The following RUFY3 variants were observed in gnomAD, a reference collection of about 807,000 sequenced individuals.
RUFY3 encodes protein RUFY3.
In RUFY3, 34 loss-of-function variants were observed where a neutral mutation model predicts 84.0. That is an observed-to-expected ratio of 0.40 (90% CI 0.31 to 0.54). RUFY3 has a LOEUF of 0.54. Among genes scored for constraint, RUFY3 ranks in the 20% least tolerant of loss-of-function variants. RUFY3 has a pLI of 0.39. For synonymous variants in RUFY3, 242 were observed against 252.9 expected, an observed-to-expected ratio of 0.96 and a Z score of 0.41; for missense variants, 507 against 736.8, an observed-to-expected ratio of 0.69 and a Z score of 3.61.
At chr4:70,771,617 T>C (rs1313618128) in intron 5 of RUFY3, among the ~76,000 whole-genome samples, 1 of 152,224 alleles carries the variant, frequency 6.6e-6, no homozygotes, top group Non-Finnish European at 1.5e-5. Flanking sequence ...GTGCAACCTC[T>C]GCCTCCCAGG....
At chr4:70,720,546 A>AT (rs59515506), upstream of RUFY3, among the ~76,000 whole-genome samples, 136,597 of 152,160 alleles carry the variant, frequency 0.9, 62,253 homozygotes, top group East Asian at 1. Context: ...GATTATTAGC[A>AT]TTTTTTTCTT....
chr4:70,804,643 C>T (rs1010772055), intron 17 of RUFY3, among the ~76,000 whole-genome samples: 8 of 151,620 alleles, frequency 5.3e-5, no homozygotes, highest in East Asian at 3.9e-4. Context: ...AATAGCCAGG[C>T]GCGGTGACTC....
intron 1 of RUFY3, among the ~76,000 whole-genome samples, chr4:70,739,189 A>G (rs1296473879): frequency 1.3e-5 from 2 of 152,134 alleles, no homozygotes; most frequent in South Asian, 2.1e-4. Context: ...ATATATGACA[A>G]TTGCTTTGTT....
chr4:70,763,047 CTCTTGGG>C (rs1224693494), intron 2 of RUFY3, among the ~76,000 whole-genome samples: 2 of 152,180 alleles, frequency 1.3e-5, no homozygotes, highest in African/African-American at 4.8e-5. Flanking sequence ...GGTCTCCCGA[CTCTTGGG>C]TCAGTGTTCT....
intron 1 of RUFY3, among the ~76,000 whole-genome samples, chr4:70,752,838 C>G (rs1242610170): frequency 6.6e-6 from 1 of 152,030 alleles, no homozygotes; most frequent in Non-Finnish European, 1.5e-5. Context: ...ATTTTTGTGT[C>G]TGTATTCATA....
rs540408888 is a variant in RUFY3 at position 70,798,490 on chromosome 4, T to G, written c.1558-1651T>G. 2.6e-5 allele frequency among the ~76,000 whole-genome samples: 4 copies of G among 152,110 alleles called. No individual in the cohort carries two copies. The South Asian group carries it at 8.3e-4, about 32-fold the overall frequency. On this transcript the variant is annotated intron_variant, in intron 14 of 17. Transcript: ENST00000381006. Reference sequence around the variant, plus strand: ...TGTGCCTCAGAAAAAAATGTAGCCCTTAGAACTGCCCAGCACCTTGCCAGG... The same window carrying G: ...TGTGCCTCAGAAAAAAATGTAGCCCGTAGAACTGCCCAGCACCTTGCCAGG...
At chr4:70,777,077 C>G (rs566992279) in intron 7 of RUFY3, among the ~76,000 whole-genome samples, 7 of 152,210 alleles carry the variant, frequency 4.6e-5, no homozygotes, top group Admixed American at 4.6e-4. Context: ...TAAACAAATA[C>G]GTTTATACAT....
chr4:70,784,970 T>A (rs1729548358), intron 10 of RUFY3, 91 bp downstream of exon 10: 2 of 801,466 alleles, frequency 2.5e-6, no homozygotes, highest in Middle Eastern at 2.5e-4. Context: ...AGATTAGGAA[T>A]ATCAGTAGTG....
intron 8 of RUFY3, among the ~76,000 whole-genome samples, chr4:70,782,291 C>CTTT (rs768126305): frequency 3.7e-5 from 5 of 135,658 alleles, no homozygotes; most frequent in African/African-American, 5.4e-5. Context: ...TATTTTATTT[C>CTTT]TTTTTTTTTT....
intron 7 of RUFY3, 147 bp from the exon 8 acceptor site, chr4:70,778,222 G>T: frequency 2.9e-6 from 1 of 349,300 alleles, no homozygotes; most frequent in Non-Finnish European, 5.3e-6. Flanking sequence ...GCGACACAAC[G>T]AGACTCCGTC....
At position 70,768,803 on chromosome 4, in the gene RUFY3, A is replaced by T. The variant is rs146339077; in HGVS notation, c.696+142A>T. On this transcript the variant is annotated intron_variant, in intron 5 of 17. Coordinates refer to ENST00000381006, the MANE Select transcript of RUFY3 (RefSeq NM_001037442.4). ...TTTCCTTCCATTTTGATGGGAATAT[A>T]AAAAAAAGATTGTTTTTCCTTCCAG... is the stretch of plus-strand genomic sequence containing the variant. 81 of 786,624 alleles carry T rather than the reference A, an allele frequency of 1.0e-4. No homozygotes were observed. The African/African-American group carries it at 1.1e-3, about 11-fold the overall frequency. The allele number at this position is 786,624 out of a possible 1,614,324, so 48.7% of individuals were successfully genotyped here.
In RUFY3 at chr4:70,806,705, T is replaced by C; in HGVS notation, c.*46T>C. On this transcript the variant is annotated 3_prime_UTR_variant, in exon 18 of 18. Transcript: ENST00000381006. ...ACCAAAACGTTTATGCAGGCTCCTC[T>C]GTACCTGTGTTTTAGCTGTCAGGAT... 1 of 1,606,736 alleles carries C rather than the reference T, an allele frequency of 6.2e-7. No homozygotes were observed. The highest frequency in any genetic ancestry group is 8.5e-7 in the Non-Finnish European group (1 of 1,175,354).
intron 6 of RUFY3, among the ~76,000 whole-genome samples, chr4:70,774,756 T>G (rs1727639801): frequency 6.7e-6 from 1 of 149,056 alleles, no homozygotes; most frequent in African/African-American, 2.5e-5. Flanking sequence ...ATTTAGCCCT[T>G]GAGAACAGCT....
chr4:70,792,501 C>T lies in RUFY3; in HGVS notation c.1338-1284C>T, dbSNP rs1393673971. The T allele has an allele frequency of 3.0e-6, 3 of 984,696 alleles. No homozygotes were observed. The African/African-American group carries it at 5.2e-5, about 17-fold the overall frequency. The allele number at this position is 984,696 out of a possible 1,614,324, so 61.0% of individuals were successfully genotyped here. A position where few individuals can be genotyped will look rare whatever the true frequency, so the allele number is the denominator to read the frequency against. On this transcript the variant is annotated intron_variant, in intron 12 of 17. Coordinates refer to ENST00000381006, the MANE Select transcript of RUFY3 (RefSeq NM_001037442.4). ...TTAACATTGTAAATAATCCTATAAA[C>T]AGTTTGATTTTTTAAGATGATTTTT...
At chr4:70,775,983 T>C (rs1293593896) in intron 7 of RUFY3, among the ~76,000 whole-genome samples, 1 of 151,638 alleles carries the variant, frequency 6.6e-6, no homozygotes, top group Admixed American at 6.6e-5. Context: ...ATGCTTTGTT[T>C]TCCTGCATTT....
At chr4:70,780,233 G>A (rs1160639556) in intron 8 of RUFY3, among the ~76,000 whole-genome samples, 1 of 152,028 alleles carries the variant, frequency 6.6e-6, no homozygotes, top group Non-Finnish European at 1.5e-5. Context: ...TAGGCTACTT[G>A]GGTTCATGTC....
chr4:70,759,240 G>A (rs2148696532), intron 1 of RUFY3, among the ~76,000 whole-genome samples: 1 of 152,162 alleles, frequency 6.6e-6, no homozygotes, highest in East Asian at 1.9e-4. Context: ...CCACATATGA[G>A]TGAGAACATG....
At chr4:70,799,144 CAAAAA>C (rs547398917) in intron 14 of RUFY3, among the ~76,000 whole-genome samples, 1 of 64,170 alleles carries the variant, frequency 1.6e-5, no homozygotes. Context: ...GACTCCGTCT[CAAAAA>C]AAAAAAAAAA....
intron 4 of RUFY3, among the ~76,000 whole-genome samples, chr4:70,768,201 A>C (rs1726320911): frequency 6.6e-6 from 1 of 152,210 alleles, no homozygotes; most frequent in South Asian, 2.1e-4. Context: ...ACAAGTACAA[A>C]TATGTCAGAA....
Sources: gnomAD v4.1 joint callset for allele counts (sites outside exome capture counted in the v4.1 genomes callset) on GRCh38, gnomAD v4.1.1 for gene constraint, MANE v1.5 for transcripts, NCBI Gene and HGNC (gene_info 2026-07-23, HGNC 2026-07-21) for gene names.